The following TEX14 variants were observed in gnomAD, a reference collection of about 807,000 sequenced individuals.
The protein encoded by TEX14 is inactive serine/threonine-protein kinase TEX14.
A neutral mutation model predicts 178.6 loss-of-function variants in TEX14; 168 were observed. That is an observed-to-expected ratio of 0.94 (90% confidence interval 0.83 to 1.07). TEX14 has a LOEUF of 1.07. Ranked by LOEUF, TEX14 falls within the 50% of genes least tolerant of loss-of-function variation. The pLI, the probability that TEX14 is intolerant of heterozygous loss-of-function variation, is 0.00. For missense variants in TEX14, 1,730 were observed against 1,753.6 expected (o/e 0.99, Z 0.24); for synonymous variants, 626 against 634.1 (o/e 0.99, Z 0.19).
At chr17:58,598,808 G>A (rs2045355483) in intron 14 of TEX14, 68 bp downstream of exon 14, 1 of 1,409,922 alleles carries the variant, frequency 7.1e-7, no homozygotes, top group South Asian at 1.4e-5. Flanking sequence ...TTGGGTGAAA[G>A]GTTTCCAGCC....
At chr17:58,672,819 C>T (rs2047325794) in intron 1 of TEX14, among the ~76,000 whole-genome samples, 1 of 151,402 alleles carries the variant, frequency 6.6e-6, no homozygotes, top group African/African-American at 2.4e-5. Flanking sequence ...GCAACCTTTG[C>T]CTCCTGGGTT....
At chr17:58,611,688 C>T (rs527853609) in intron 9 of TEX14, among the ~76,000 whole-genome samples, 1 of 152,338 alleles carries the variant, frequency 6.6e-6, no homozygotes, top group South Asian at 2.1e-4. Flanking sequence ...CTGTCGCCTC[C>T]CTGTCCAAGC....
intron 24 of TEX14, 118 bp from the exon 25 acceptor site, chr17:58,570,602 C>T (rs979809990): frequency 2.8e-5 from 14 of 502,168 alleles, no homozygotes; most frequent in South Asian, 1.1e-4. Flanking sequence ...ATGTCACCTC[C>T]TCTGGGAAGC....
chr17:58,580,932 A>G (rs930705390), intron 19 of TEX14, among the ~76,000 whole-genome samples: 4 of 152,170 alleles, frequency 2.6e-5, no homozygotes, highest in African/African-American at 9.7e-5. Flanking sequence ...TTAATTCCGT[A>G]TATCTGCAGA....
In TEX14 at chr17:58,643,874, CAAAAAAAAAAAAAAA is replaced by C. The variant is rs71143262; in HGVS notation, c.136+7977_136+7991del. ...TGGGCAACAGAGCAAGACTCTGTCT[CAAAAAAAAAAAAAAA>C]AAAAAAAAAAAAAAAGAAGCCTAAG... On this transcript the variant is annotated intron_variant, in intron 2 of 31. Coordinates refer to ENST00000349033, the MANE Select transcript of TEX14 (RefSeq NM_031272.5). 2.9e-4 allele frequency among the ~76,000 whole-genome samples: 6 copies of C among 20,536 alleles called. 1 individual carries two copies. The highest frequency in any genetic ancestry group is 5.6e-3 in the South Asian group (2 of 360). 13.5% of individuals were successfully genotyped at this position (20,536 alleles called of 152,430 possible). A position where few individuals can be genotyped will look rare whatever the true frequency, so the allele number is the denominator to read the frequency against.
At chr17:58,640,659 G>GAGAA (rs2046553089) in intron 2 of TEX14, among the ~76,000 whole-genome samples, 1 of 151,844 alleles carries the variant, frequency 6.6e-6, no homozygotes, top group African/African-American at 2.4e-5. Flanking sequence ...GAGAGAGAGA[G>GAGAA]AATGATAAAT....
chr17:58,674,912 A>AG lies in TEX14; in HGVS notation c.-2+17026dup, dbSNP rs926892105. ...GTAATCCCAGCACTGTGGGAGGCTG[A>AG]GGGGGGGTGCATCACTTGAAGCCAG... is the stretch of plus-strand genomic sequence containing the variant. On this transcript the variant is annotated intron_variant, in intron 1 of 31. Transcript: ENST00000349033. Among the ~76,000 whole-genome samples, 54 of 151,228 alleles carry AG rather than the reference A, an allele frequency of 3.6e-4. 1 individual carries two copies. The highest frequency in any genetic ancestry group is 2.0e-3 in the Admixed American group (31 of 15,154).
In TEX14 at chr17:58,561,592, T is replaced by C. The variant is rs1375497323; in HGVS notation, c.4085A>G (p.Glu1362Gly). 3.7e-6 allele frequency: 6 copies of C among 1,613,562 alleles called. No individual in the cohort carries two copies. Among genetic ancestry groups the C allele is most frequent in the Non-Finnish European group, 5.1e-6 (6 of 1,179,460 alleles). ...TGGCTGCAGCCATCTTTCCAGGTCC[T>C]CATCCAGAGTAGAGTGAGCTCTGTT... Reference protein sequence around the residue: ...DTERAHSTLDEDLERWLQPPE... With the variant: ...DTERAHSTLDGDLERWLQPPE... Residue 1362 changes from glutamate (E) to glycine (G), a missense_variant, in exon 29 of 32, where the codon GAG (glutamate) becomes GGG (glycine). Transcript: ENST00000349033.
Position 58,630,473 on chromosome 17 carries a change from T to A in TEX14, c.218A>T (p.Asp73Val). The change falls in exon 3 of 32, where the codon GAT becomes GTT. Residue 73 changes from aspartate to valine, a missense_variant. Asp to Val is a radical substitution (Grantham distance 152). Transcript: ENST00000349033. ...ATCTGATCCATAATCCACCAGAACA[T>A]CAACGAATTTCCTAAGGCCCAATAA... ...AALLGLRKFV[D>V]VLVDYGSDPN... 6.2e-7 allele frequency: 1 copy of A among 1,614,040 alleles called. No individual in the cohort carries two copies. Among genetic ancestry groups the A allele is most frequent in the Middle Eastern group, 1.6e-4 (1 of 6,062 alleles).
At chr17:58,659,226 G>GCAAACATATCC in intron 1 of TEX14, 2 of 194,544 alleles carry the variant, frequency 1.0e-5, no homozygotes, top group Non-Finnish European at 1.3e-5. Context: ...AATCGCGGGA[G>GCAAACATATCC]CAAACACATA....
intron 14 of TEX14, among the ~76,000 whole-genome samples, chr17:58,596,454 A>G (rs2045284002): frequency 6.6e-6 from 1 of 151,938 alleles, no homozygotes; most frequent in Admixed American, 6.6e-5. Context: ...GCTAATTTTG[A>G]TATCTTTTGT....
At position 58,587,692 on chromosome 17, in the gene TEX14, T is replaced by C. The variant is rs138493412; in HGVS notation, c.2703-26A>G. On this transcript the variant is annotated intron_variant, in intron 16 of 31. Coordinates refer to ENST00000349033, the MANE Select transcript of TEX14 (RefSeq NM_031272.5). The stretch of plus-strand genomic sequence containing the variant: ...CTGAATTGCACGGGTTTTTTGGAGG[T>C]AGGGGGAGCGGGGTGGACACAAACA... 1.0e-4 allele frequency: 160 copies of C among 1,538,078 alleles called. No individual in the cohort carries two copies. In the African/African-American group the frequency reaches 1.9e-3, roughly 18 times the overall value.
intron 1 of TEX14, among the ~76,000 whole-genome samples, chr17:58,655,952 G>C (rs1388275524): frequency 1.3e-5 from 2 of 152,196 alleles, no homozygotes; most frequent in Admixed American, 1.3e-4. Flanking sequence ...TGAGGGTCCT[G>C]TTAAAGGGCA....
chr17:58,667,964 A>G (rs1479962779), intron 1 of TEX14, among the ~76,000 whole-genome samples: 2 of 151,734 alleles, frequency 1.3e-5, no homozygotes, highest in African/African-American at 4.8e-5. Flanking sequence ...GAACCTTCTC[A>G]TAGGCCAGTC....
chr17:58,640,642 T>A (rs867404703), intron 2 of TEX14, among the ~76,000 whole-genome samples: 17 of 142,218 alleles, frequency 1.2e-4, no homozygotes, highest in Admixed American at 2.1e-4. Flanking sequence ...TGTGTGTGTG[T>A]GTGAGAGAGA....
rs756769616 is a variant in TEX14 at position 58,587,712 on chromosome 17, C to G, written c.2703-46G>C. On this transcript the variant is annotated intron_variant, in intron 16 of 31. Transcript: ENST00000349033. ...GGAGGTAGGGGGAGCGGGGTGGACACAAACACATCAGTTTGCTCAAGTTCT... is the reference window on the plus strand; with the variant it reads ...GGAGGTAGGGGGAGCGGGGTGGACAGAAACACATCAGTTTGCTCAAGTTCT... The G allele has an allele frequency of 2.2e-6, 3 of 1,383,848 alleles. No individual in the cohort carries two copies. In the East Asian group the frequency reaches 6.9e-5, roughly 32 times the overall value. 85.7% of individuals were successfully genotyped at this position (1,383,848 alleles called of 1,614,324 possible). A position where few individuals can be genotyped will look rare whatever the true frequency, so the allele number is the denominator to read the frequency against.
intron 7 of TEX14, among the ~76,000 whole-genome samples, chr17:58,615,939 T>C (rs1004976055): frequency 6.6e-6 from 1 of 152,198 alleles, no homozygotes; most frequent in Non-Finnish European, 1.5e-5. Context: ...CTGGCACTAG[T>C]GGGTAGAGAC....
chr17:58,679,439 G>GTCA (rs71143266), intron 1 of TEX14: 6 of 152,038 alleles, frequency 3.9e-5, no homozygotes, highest in Non-Finnish European at 8.8e-5. Context: ...TCAATCTCTC[G>GTCA]CTATTCCAAA....
chr17:58,569,041 AAATTTTGGAAAACTGC>A lies in TEX14; in HGVS notation c.3886+135_3886+150del. On this transcript the variant is annotated intron_variant, in intron 26 of 31. Transcript: ENST00000349033. The surrounding 1 kb of genome is among the most constrained non-coding windows in gnomAD (Gnocchi z 4.1). ...TTTTATTGCAAAACTGCCCCTTCCT[AAATTTTGGAAAACTGC>A]CCCTTCCTATATTCAACCAGGCCAT... 2 of 540,644 alleles carry A rather than the reference AAATTTTGGAAAACTGC, an allele frequency of 3.7e-6. No homozygotes were observed. The highest frequency in any genetic ancestry group is 3.6e-5 in the South Asian group (1 of 27,894). 33.5% of individuals were successfully genotyped at this position (540,644 alleles called of 1,614,324 possible). A position where few individuals can be genotyped will look rare whatever the true frequency, so the allele number is the denominator to read the frequency against.
Sources: allele counts gnomAD v4.1 joint callset (sites outside exome capture counted in the v4.1 genomes callset), GRCh38; gene constraint gnomAD v4.1.1; non-coding constraint Gnocchi (gnomAD v3.1); transcripts MANE v1.5; gene names NCBI Gene and HGNC (gene_info 2026-07-23, HGNC 2026-07-21).